Variants in ZNF69 observed in about 807,000 individuals in gnomAD.
ZNF69 encodes ZNF3.
ZNF69 carries 47 observed loss-of-function variants against 50.9 expected under a neutral mutation model. The observed-to-expected ratio is 0.92, with a 90% confidence interval of 0.73 to 1.18. The LOEUF (loss-of-function observed/expected upper bound fraction) is 1.18, where lower values mean the gene tolerates loss of function less well. Among genes scored for constraint, ZNF69 ranks in the 50% most tolerant of loss-of-function variants. The probability of loss-of-function intolerance (pLI) is 0.00; values close to 1 mark genes in which losing one functional copy is unlikely to be tolerated. For synonymous variants in ZNF69, 216 were observed against 223.1 expected (o/e 0.97, Z 0.29); for missense variants, 717 against 675.1 (o/e 1.06, Z -0.69).
the ZNF69 span, among the ~76,000 whole-genome samples, chr19:11,936,054 T>C: frequency 6.6e-6 from 1 of 152,338 alleles, no homozygotes; most frequent in East Asian, 1.9e-4. Context: ...TTTTTATGGC[T>C]GCGTAGTATT....
Position 11,903,565 on chromosome 19 carries a change from T to C in ZNF69, c.64-8T>C, listed in dbSNP as rs1280377515. Reference sequence around the variant, plus strand: ...CCCATCCTCCTCTACACATGTGAGATGTTTCAGGACCCAGTGGCCTTTGAT... The same window carrying C: ...CCCATCCTCCTCTACACATGTGAGACGTTTCAGGACCCAGTGGCCTTTGAT... On this transcript the variant is annotated splice_region_variant and splice_polypyrimidine_tract_variant and intron_variant, in intron 1 of 3. Coordinates refer to ENST00000429654, the MANE Select transcript of ZNF69 (RefSeq NM_001364730.1). 1 of 1,613,948 alleles carries C rather than the reference T, an allele frequency of 6.2e-7. No individual in the cohort carries two copies. The highest frequency in any genetic ancestry group is 1.7e-5 in the Admixed American group (1 of 59,942).
chr19:11,905,355 C>G lies in ZNF69; in HGVS notation c.958C>G (p.Arg320Gly). 1 of 1,613,996 alleles carries G rather than the reference C, an allele frequency of 6.2e-7. No homozygotes were observed. Among genetic ancestry groups the G allele is most frequent in the South Asian group, 1.1e-5 (1 of 91,070 alleles). Residue 320 changes from arginine to glycine, a missense_variant, in exon 4 of 4, where the codon CGT (arginine) becomes GGT (glycine). Transcript: ENST00000429654. ...GKAFTCPQYV[R>G]IHERTHSRKK... ...AGCATTCACGTGTCCCCAGTATGTTCGTATACATGAAAGGACCCACTCTAG... is the reference window on the plus strand; with the variant it reads ...AGCATTCACGTGTCCCCAGTATGTTGGTATACATGAAAGGACCCACTCTAG...
In ZNF69 at chr19:11,906,416, G is replaced by A; in HGVS notation, c.*318G>A. On this transcript the variant is annotated 3_prime_UTR_variant, in exon 4 of 4. Coordinates refer to ENST00000429654, the MANE Select transcript of ZNF69 (RefSeq NM_001364730.1). ...GATCTCCAAGTAGCCTAACTGGGAG[G>A]CACTTCCCAGTAGGGGCCAACTGAC... 2.6e-6 allele frequency: 1 copy of A among 387,562 alleles called. No individual in the cohort carries two copies. Among genetic ancestry groups the A allele is most frequent in the Non-Finnish European group, 4.0e-6 (1 of 248,122 alleles). 24.0% of individuals were successfully genotyped at this position (387,562 alleles called of 1,614,324 possible). A position where few individuals can be genotyped will look rare whatever the true frequency, so the allele number is the denominator to read the frequency against.
the ZNF69 span, among the ~76,000 whole-genome samples, chr19:11,944,285 G>A: frequency 6.6e-6 from 1 of 151,822 alleles, no homozygotes; most frequent in Non-Finnish European, 1.5e-5. Flanking sequence ...TTTCATAAGG[G>A]GAATATCCTG....
the ZNF69 span, chr19:11,948,801 T>G: frequency 6.2e-7 from 1 of 1,608,474 alleles, no homozygotes; most frequent in Non-Finnish European, 8.5e-7. Context: ...GTAAATCCTT[T>G]ACTTATTCTG....
the ZNF69 span, among the ~76,000 whole-genome samples, chr19:11,971,627 G>A: frequency 6.6e-6 from 1 of 152,106 alleles, no homozygotes; most frequent in South Asian, 2.1e-4. Flanking sequence ...ACATCATAGT[G>A]TTATTTAATC....
At chr19:11,894,281 T>C (rs1977169213) in intron 1 of ZNF69, among the ~76,000 whole-genome samples, 1 of 152,158 alleles carries the variant, frequency 6.6e-6, no homozygotes, top group Admixed American at 6.5e-5. Flanking sequence ...GCCATTCTCC[T>C]GCCTCAGCCT....
chr19:11,904,198 G>A (rs1233056646), intron 3 of ZNF69, among the ~76,000 whole-genome samples: 2 of 152,126 alleles, frequency 1.3e-5, no homozygotes, highest in Non-Finnish European at 2.9e-5. Flanking sequence ...TTCAAGAACA[G>A]CCTGGGCAAC....
Position 11,888,056 on chromosome 19 carries a change from C to A in ZNF69, c.63+70C>A, listed in dbSNP as rs375921679. Reference sequence around the variant, plus strand: ...CTGGACCGACCGGAACCGACTGTGGCGAGACCCTGGCTTTCCTGCGGGCGA... The same window carrying A: ...CTGGACCGACCGGAACCGACTGTGGAGAGACCCTGGCTTTCCTGCGGGCGA... On this transcript the variant is annotated intron_variant, in intron 1 of 3. Transcript: ENST00000429654. 298 of 1,503,578 alleles carry A rather than the reference C, an allele frequency of 2.0e-4. No homozygotes were observed. The African/African-American group carries it at 3.7e-3, about 19-fold the overall frequency. 93.1% of individuals were successfully genotyped at this position (1,503,578 alleles called of 1,614,324 possible). A position where few individuals can be genotyped will look rare whatever the true frequency, so the allele number is the denominator to read the frequency against.
the ZNF69 span, among the ~76,000 whole-genome samples, chr19:11,940,837 C>A: frequency 6.6e-6 from 1 of 152,116 alleles, no homozygotes; most frequent in African/African-American, 2.4e-5. Context: ...ACGTCCCCCC[C>A]AGATTAGCTA....
At chr19:11,976,547 C>T in the ZNF69 span, among the ~76,000 whole-genome samples, 1 of 126,084 alleles carries the variant, frequency 7.9e-6, no homozygotes, top group Non-Finnish European at 1.6e-5. Flanking sequence ...CAGAACAAGA[C>T]TCTGTCTCAA....
the ZNF69 span, chr19:11,979,683 C>T: frequency 5.1e-6 from 8 of 1,573,250 alleles, no homozygotes; most frequent in African/African-American, 1.4e-5. Context: ...CAAATGCATG[C>T]TGGGACTCAC....
intron 1 of ZNF69, among the ~76,000 whole-genome samples, chr19:11,903,225 AG>A (rs1209406746): frequency 3.3e-5 from 5 of 152,130 alleles, no homozygotes; most frequent in Admixed American, 3.3e-4. Flanking sequence ...ACCTGAGGTC[AG>A]CAGCCTGACC....
At chr19:11,902,374 G>A (rs753686512) in intron 1 of ZNF69, among the ~76,000 whole-genome samples, 6 of 152,024 alleles carry the variant, frequency 3.9e-5, no homozygotes, top group Non-Finnish European at 8.8e-5. Flanking sequence ...GGATATGTGG[G>A]TGGCTGCATT....
At chr19:11,894,183 T>G (rs1327346874) in intron 1 of ZNF69, among the ~76,000 whole-genome samples, 1 of 152,200 alleles carries the variant, frequency 6.6e-6, no homozygotes, top group African/African-American at 2.4e-5. Flanking sequence ...AGATCTTTTT[T>G]TTTTGAGACA....
At chr19:11,892,613 A>T (rs1430315851) in intron 1 of ZNF69, among the ~76,000 whole-genome samples, 1 of 152,058 alleles carries the variant, frequency 6.6e-6, no homozygotes, top group African/African-American at 2.4e-5. Context: ...AATCATATTA[A>T]ATAAATAAAA....
downstream of ZNF69, among the ~76,000 whole-genome samples, chr19:11,915,854 A>G (rs1022472230): frequency 1.3e-5 from 2 of 152,146 alleles, no homozygotes; most frequent in Non-Finnish European, 2.9e-5. Flanking sequence ...CAGTGTGCTG[A>G]GATCGCGCCA....
At chr19:11,913,097 T>C (rs1972481411) in intron 4 of ZNF69, among the ~76,000 whole-genome samples, 1 of 151,666 alleles carries the variant, frequency 6.6e-6, no homozygotes. Flanking sequence ...CTCGGCAGGC[T>C]GAGGCAGGAG....
the ZNF69 span, chr19:11,947,174 G>A: frequency 6.2e-7 from 1 of 1,613,124 alleles, no homozygotes; most frequent in African/African-American, 1.3e-5. Flanking sequence ...CATGTGAGAT[G>A]TTTCAGGACC....
Sources: allele counts gnomAD v4.1 joint callset (sites outside exome capture counted in the v4.1 genomes callset), GRCh38; gene constraint gnomAD v4.1.1; transcripts MANE v1.5; gene names NCBI Gene and HGNC (gene_info 2026-07-23, HGNC 2026-07-21).